The following MARCHF1 variants were observed in gnomAD, a reference collection of about 807,000 sequenced individuals.
MARCHF1 encodes the protein E3 ubiquitin-protein ligase MARCHF1.
Under a neutral mutation model 54.2 loss-of-function variants are expected in MARCHF1, and 40 were observed. The ratio of observed to expected loss-of-function variants is 0.74; its 90% CI spans 0.57 to 0.96. The LOEUF is 0.96. Ranked by LOEUF, MARCHF1 falls within the 40% of genes least tolerant of loss-of-function variation. The probability of loss-of-function intolerance (pLI) is 0.00; values close to 1 mark genes in which losing one functional copy is unlikely to be tolerated. For synonymous variants in MARCHF1, 236 were observed against 236.3 expected (o/e 1.00, Z 0.01); for missense variants, 586 against 656.5 (o/e 0.89, Z 1.17).
At chr4:164,017,986 G>A (rs1241091541) in intron 2 of MARCHF1, among the ~76,000 whole-genome samples, 1 of 151,850 alleles carries the variant, frequency 6.6e-6, no homozygotes, top group African/African-American at 2.4e-5. Context: ...AAAAGTTTTG[G>A]AATACTTTCC....
intron 5 of MARCHF1, among the ~76,000 whole-genome samples, chr4:163,621,480 T>G (rs1376235750): frequency 6.6e-6 from 1 of 152,164 alleles, no homozygotes; most frequent in African/African-American, 2.4e-5. Context: ...CTATCCTACT[T>G]AGAATTTTGT....
At chr4:164,032,164 G>A (rs1753891060) in intron 2 of MARCHF1, among the ~76,000 whole-genome samples, 1 of 152,018 alleles carries the variant, frequency 6.6e-6, no homozygotes, top group African/African-American at 2.4e-5. Context: ...TATTTCTGTG[G>A]GGTCAGTGGT....
chr4:163,713,864 A>G (rs1745181652), intron 4 of MARCHF1, among the ~76,000 whole-genome samples: 1 of 152,186 alleles, frequency 6.6e-6, no homozygotes, highest in South Asian at 2.1e-4. Context: ...ACTTCTCGAA[A>G]AGTCTTCATA....
At chr4:164,253,843 C>G (rs1733191589) in intron 1 of MARCHF1, among the ~76,000 whole-genome samples, 1 of 152,030 alleles carries the variant, frequency 6.6e-6, no homozygotes, top group Non-Finnish European at 1.5e-5. Flanking sequence ...TACTACTCAG[C>G]ATTAAAATGA....
intron 2 of MARCHF1, among the ~76,000 whole-genome samples, chr4:164,063,964 T>C (rs972919840): frequency 6.6e-6 from 1 of 152,176 alleles, no homozygotes; most frequent in Non-Finnish European, 1.5e-5. Flanking sequence ...GAAGATCAGA[T>C]AGTTGTATGT....
At chr4:163,743,467 T>C (rs1746266993) in intron 4 of MARCHF1, among the ~76,000 whole-genome samples, 1 of 152,200 alleles carries the variant, frequency 6.6e-6, no homozygotes, top group East Asian at 1.9e-4. Flanking sequence ...CCGTACCTGA[T>C]TATGGTAAAG....
intron 2 of MARCHF1, among the ~76,000 whole-genome samples, chr4:164,086,353 G>A (rs1371179624): frequency 6.6e-6 from 1 of 151,618 alleles, no homozygotes; most frequent in Non-Finnish European, 1.5e-5. Context: ...TATAATTTGA[G>A]GAAAACTTTT....
chr4:163,979,796 G>GT (rs1378497021), intron 3 of MARCHF1, among the ~76,000 whole-genome samples: 1 of 152,078 alleles, frequency 6.6e-6, no homozygotes, highest in East Asian at 1.9e-4. Context: ...TTTTTCATGT[G>GT]TTTTTTGGCT....
rs145149996 is a variant in MARCHF1, at chr4:164,091,410, T to TTTTTTA, written c.-248+20177_-248+20178insTAAAAA. 8.9e-4 allele frequency among the ~76,000 whole-genome samples: 122 copies of TTTTTTA among 136,926 alleles called. 3 individuals are homozygous for TTTTTTA. Among genetic ancestry groups the TTTTTTA allele is most frequent in the Non-Finnish European group, 4.2e-4 (27 of 64,236 alleles). The allele number at this position is 136,926 out of a possible 152,430, so 89.8% of individuals were successfully genotyped here. On this transcript the variant is annotated intron_variant, in intron 2 of 9. Coordinates refer to ENST00000514618, the MANE Select transcript of MARCHF1 (RefSeq NM_001394959.1). ...AACAGGGGATAATTTTCACCAAGTT[T>TTTTTTA]TATATATATATATATATATGTATAA...
chr4:164,271,673 C>T (rs1733748619), intron 1 of MARCHF1, among the ~76,000 whole-genome samples: 1 of 152,040 alleles, frequency 6.6e-6, no homozygotes, highest in African/African-American at 2.4e-5. Context: ...GGATACCTAT[C>T]TCCAATAGAA....
chr4:163,809,274 T>C (rs1013123828), intron 4 of MARCHF1, among the ~76,000 whole-genome samples: 6 of 152,198 alleles, frequency 3.9e-5, no homozygotes, highest in African/African-American at 1.2e-4. Flanking sequence ...AGCTTACTAA[T>C]AGTAAGAAGA....
At chr4:163,534,530 G>C (rs1012872756) in intron 9 of MARCHF1, among the ~76,000 whole-genome samples, 12 of 152,090 alleles carry the variant, frequency 7.9e-5, no homozygotes, top group Middle Eastern at 3.4e-3. Flanking sequence ...AAATTAATTA[G>C]TGTATCATGG....
chr4:164,169,085 T>C lies in MARCHF1; in HGVS notation c.-322-57423A>G, dbSNP rs74488892. Among the ~76,000 whole-genome samples, 326 of 152,208 alleles carry C rather than the reference T, an allele frequency of 2.1e-3. 1 individual carries two copies. Among genetic ancestry groups the C allele is most frequent in the Non-Finnish European group, 3.9e-3 (265 of 67,974 alleles). ...GGATTTTTGCTGGATACGTAGATTT[T>C]AGCTGCCCTTGTCACAAAAAAAGTA... On this transcript the variant is annotated intron_variant, in intron 1 of 9. Transcript: ENST00000514618.
chr4:163,922,187 G>C (rs550291272), intron 3 of MARCHF1, among the ~76,000 whole-genome samples: 53 of 150,886 alleles, frequency 3.5e-4, no homozygotes, highest in African/African-American at 1.2e-3. Flanking sequence ...GATGCGGGGG[G>C]GAGCATCACA....
At position 164,124,836 on chromosome 4, in the gene MARCHF1, A is replaced by C. The variant is rs543849166; in HGVS notation, c.-322-13174T>G. Reference sequence around the variant, plus strand: ...CAGTTAGTGTGCACTTTAAAAAAAGAATATATACAAAGAATGAATAAGACC... The same window carrying C: ...CAGTTAGTGTGCACTTTAAAAAAAGCATATATACAAAGAATGAATAAGACC... On this transcript the variant is annotated intron_variant, in intron 1 of 9. Transcript: ENST00000514618. Among the ~76,000 whole-genome samples, 278 of 152,264 alleles carry C rather than the reference A, an allele frequency of 1.8e-3. 3 individuals are homozygous for C. The South Asian group carries it at 0.03, about 17-fold the overall frequency.
chr4:164,218,935 G>C (rs1732011498), intron 1 of MARCHF1, among the ~76,000 whole-genome samples: 2 of 151,632 alleles, frequency 1.3e-5, no homozygotes, highest in African/African-American at 2.4e-5. Context: ...ATTTTATATA[G>C]CAATTAATGT....
chr4:163,845,790 T>C (rs1355324944), intron 4 of MARCHF1, among the ~76,000 whole-genome samples: 3 of 152,152 alleles, frequency 2.0e-5, no homozygotes, highest in Non-Finnish European at 1.5e-5. Context: ...ATTATTACTA[T>C]TGTGAATAAC....
intron 1 of MARCHF1, among the ~76,000 whole-genome samples, chr4:164,370,991 A>G (rs1004385741): frequency 6.6e-6 from 1 of 152,150 alleles, no homozygotes; most frequent in African/African-American, 2.4e-5. Flanking sequence ...AGAAAATTTT[A>G]AAGAATGAGA....
At chr4:163,778,868 G>T (rs1205054055) in intron 4 of MARCHF1, among the ~76,000 whole-genome samples, 1 of 151,960 alleles carries the variant, frequency 6.6e-6, no homozygotes, top group Non-Finnish European at 1.5e-5. Context: ...AGGGTGGGAG[G>T]GGGGTATATG....
Sources: gnomAD v4.1 joint callset for allele counts (sites outside exome capture counted in the v4.1 genomes callset) on GRCh38, gnomAD v4.1.1 for gene constraint, MANE v1.5 for transcripts, NCBI Gene and HGNC (gene_info 2026-07-23, HGNC 2026-07-21) for gene names.